Variants in SNX13 observed in about 807,000 individuals in gnomAD.
The protein encoded by SNX13 is sorting nexin 13.
A neutral mutation model predicts 133.6 loss-of-function variants in SNX13; 45 were observed. The ratio of observed to expected loss-of-function variants is 0.34; its 90% confidence interval spans 0.27 to 0.43. The LOEUF is 0.43. SNX13 is among the 20% of genes least tolerant of loss of function. SNX13 has a pLI of 1.00. For synonymous variants in SNX13, 414 were observed against 373.9 expected, an observed-to-expected ratio of 1.11 and a Z score of -1.24; for missense variants, 1,032 against 1,145.1, an observed-to-expected ratio of 0.90 and a Z score of 1.43.
chr7:17,821,881 C>CT (rs899696915), intron 17 of SNX13, among the ~76,000 whole-genome samples: 2 of 152,078 alleles, frequency 1.3e-5, no homozygotes, highest in Non-Finnish European at 2.9e-5. Context: ...ACAAAATAAA[C>CT]TAAGTTCAGT....
At chr7:17,858,602 T>C (rs552639844) in intron 9 of SNX13, among the ~76,000 whole-genome samples, 22 of 152,158 alleles carry the variant, frequency 1.4e-4, no homozygotes, top group African/African-American at 4.8e-4. Context: ...CAGTTAAAAT[T>C]CTAATAGGTT....
At chr7:17,926,486 A>C (rs1258196792) in intron 1 of SNX13, among the ~76,000 whole-genome samples, 1 of 152,214 alleles carries the variant, frequency 6.6e-6, no homozygotes. Context: ...CTAATAACAA[A>C]ACAAAATCAG....
At chr7:17,824,111 G>A (rs1235187212) in intron 17 of SNX13, among the ~76,000 whole-genome samples, 1 of 151,898 alleles carries the variant, frequency 6.6e-6, no homozygotes, top group Non-Finnish European at 1.5e-5. Flanking sequence ...AGAAGGGTTT[G>A]TTTTTATTAG....
chr7:17,910,200 G>A (rs529661556), intron 1 of SNX13, among the ~76,000 whole-genome samples: 1 of 152,032 alleles, frequency 6.6e-6, no homozygotes, highest in South Asian at 2.1e-4. Context: ...TATTTAATTA[G>A]ACCTCCAAAA....
chr7:17,802,356 A>G (rs1055777370), intron 21 of SNX13, among the ~76,000 whole-genome samples: 1 of 152,098 alleles, frequency 6.6e-6, no homozygotes, highest in Admixed American at 6.6e-5. Flanking sequence ...CTTTCTTTTT[A>G]CCATAAAGAG....
chr7:17,816,537 T>G (rs1369435192), intron 18 of SNX13, among the ~76,000 whole-genome samples: 1 of 152,112 alleles, frequency 6.6e-6, no homozygotes, highest in Non-Finnish European at 1.5e-5. Flanking sequence ...GGCACATGCC[T>G]GTAATCCCAG....
At chr7:17,927,191 A>AAT (rs1200703118) in intron 1 of SNX13, among the ~76,000 whole-genome samples, 1 of 150,002 alleles carries the variant, frequency 6.7e-6, no homozygotes, top group African/African-American at 2.4e-5. Flanking sequence ...GTGTACATAT[A>AAT]ATATATATGT....
chr7:17,892,496 A>AT (rs1294598431), intron 3 of SNX13, among the ~76,000 whole-genome samples: 2 of 151,606 alleles, frequency 1.3e-5, no homozygotes, highest in Non-Finnish European at 2.9e-5. Context: ...CCTAAGACTT[A>AT]TAAGTAAAAA....
At chr7:17,834,983 G>A (rs558038106) in intron 13 of SNX13, 118 bp from the exon 14 acceptor site, 12 of 595,706 alleles carry the variant, frequency 2.0e-5, no homozygotes, top group Admixed American at 3.3e-5. Flanking sequence ...AGAATCATTG[G>A]TTTGTAAACG....
chr7:17,937,674 A>T (rs1169236187), intron 1 of SNX13, among the ~76,000 whole-genome samples: 1 of 152,200 alleles, frequency 6.6e-6, no homozygotes, highest in Admixed American at 6.5e-5. Context: ...TATCAGCTAC[A>T]AAGAAAATTA....
At chr7:17,848,662 C>T (rs751210009) in intron 11 of SNX13, among the ~76,000 whole-genome samples, 1 of 152,318 alleles carries the variant, frequency 6.6e-6, no homozygotes, top group East Asian at 1.9e-4. Context: ...TGCTCCCTCT[C>T]GCGAGGGGTG....
At chr7:17,928,683 A>G (rs1424078847) in intron 1 of SNX13, among the ~76,000 whole-genome samples, 1 of 152,220 alleles carries the variant, frequency 6.6e-6, no homozygotes, top group Non-Finnish European at 1.5e-5. Context: ...AAAATCCTTG[A>G]TGCTTTTTAG....
chr7:17,798,698 T>C lies in SNX13; in HGVS notation c.2505A>G (p.Lys835=). The C allele has an allele frequency of 1.3e-6, 2 of 1,576,312 alleles. No homozygotes were observed. The highest frequency in any genetic ancestry group is 3.3e-4 in the Middle Eastern group (2 of 5,988). ...TSPEQVADSV[K]RFRDAFWPNG... Reference sequence around the variant, plus strand: ...TGTGTCTTAAGATATACCTGAAACGTTTCACTGAGTCGGCTACTTGTTCAG... The same window carrying C: ...TGTGTCTTAAGATATACCTGAAACGCTTCACTGAGTCGGCTACTTGTTCAG... The change falls in exon 24 of 26, where the codon AAA becomes AAG. Residue 835 remains lysine, a synonymous_variant. Coordinates refer to ENST00000428135, the MANE Select transcript of SNX13 (RefSeq NM_015132.5).
chr7:17,821,673 C>G, intron 17 of SNX13, 25 bp from the exon 18 acceptor site: 2 of 1,591,306 alleles, frequency 1.3e-6, no homozygotes, highest in Non-Finnish European at 1.7e-6. Flanking sequence ...GGGTCATAGT[C>G]AGCATATACT....
chr7:17,801,030 A>ATG (rs1784580898), intron 22 of SNX13, among the ~76,000 whole-genome samples: 29 of 18,560 alleles, frequency 1.6e-3, no homozygotes, highest in African/African-American at 4.1e-3. Context: ...ATATATATAT[A>ATG]TATATATATA....
At chr7:17,861,439 T>G (rs1253218374) in intron 9 of SNX13, among the ~76,000 whole-genome samples, 7 of 151,868 alleles carry the variant, frequency 4.6e-5, no homozygotes, top group Admixed American at 2.6e-4. Flanking sequence ...AATTTCCTGA[T>G]GGTCCACAGC....
rs933557630 is a variant in SNX13, at chr7:17,890,440, A to G, written c.363T>C (p.Tyr121=). The change falls in exon 5 of 26, where the codon TAT becomes TAC. Residue 121 remains tyrosine (Y), a synonymous_variant. Coordinates refer to ENST00000428135, the MANE Select transcript of SNX13 (RefSeq NM_015132.5). ...GAAAAGATTCATCATCGCTTAGTGT[A>G]TAATACCAATACTGGACATAATCCC... The part of the protein sequence containing the change: ...SLRDYVQYWY[Y]TLSDDESFLL... 9 of 1,608,590 alleles carry G rather than the reference A, an allele frequency of 5.6e-6. No individual in the cohort carries two copies. The highest frequency in any genetic ancestry group is 1.7e-5 in the Admixed American group (1 of 59,788).
At chr7:17,890,297 G>C in intron 5 of SNX13, 66 bp downstream of exon 5, 4 of 1,486,738 alleles carry the variant, frequency 2.7e-6, no homozygotes, top group Non-Finnish European at 3.6e-6. Flanking sequence ...CTTAAAAGTT[G>C]TTTTCCTTAC....
At chr7:17,934,143 A>C (rs1298804595) in intron 1 of SNX13, among the ~76,000 whole-genome samples, 1 of 152,216 alleles carries the variant, frequency 6.6e-6, no homozygotes, top group Admixed American at 6.5e-5. Context: ...TTAAAACGTT[A>C]AACAGTTTAA....
Sources: allele counts gnomAD v4.1 joint callset (sites outside exome capture counted in the v4.1 genomes callset), GRCh38; gene constraint gnomAD v4.1.1; transcripts MANE v1.5; gene names NCBI Gene and HGNC (gene_info 2026-07-23, HGNC 2026-07-21).